SMG6: variants seen among roughly 807,000 people sequenced by gnomAD.
SMG6 encodes telomerase-binding protein EST1A.
A neutral mutation model predicts 142.2 loss-of-function variants in SMG6; 66 were observed. The observed-to-expected ratio is 0.46, with a 90% confidence interval of 0.38 to 0.57. The LOEUF (loss-of-function observed/expected upper bound fraction) is 0.57, where lower values mean the gene tolerates loss of function less well. SMG6 is among the 20% of genes least tolerant of loss of function. SMG6 has a pLI of 0.00. For missense variants in SMG6, 1,793 were observed against 1,832.0 expected, an observed-to-expected ratio of 0.98 and a Z score of 0.39; for synonymous variants, 779 against 702.4, an observed-to-expected ratio of 1.11 and a Z score of -1.72.
intron 13 of SMG6, chr17:2,088,032 G>A (rs2068612304): frequency 3.0e-6 from 3 of 985,654 alleles, no homozygotes; most frequent in Non-Finnish European, 3.6e-6. Context: ...GAGGAGAGGG[G>A]AGCTAAGGAG....
rs529360379 is a variant in SMG6 at position 2,237,372 on chromosome 17, G to A, written c.2724-735C>T. On this transcript the variant is annotated intron_variant, in intron 9 of 18. Coordinates refer to ENST00000263073, the MANE Select transcript of SMG6 (RefSeq NM_017575.5). ...CATGAGCCACTGCACTCGGCCTAAA[G>A]ATATTTTACCCAAGCGTTTACTTTA... The A allele has an allele frequency of 1.3e-5, 5 of 377,976 alleles. No individual in the cohort carries two copies. The Admixed American group carries it at 3.2e-4, about 24-fold the overall frequency. The allele number at this position is 377,976 out of a possible 1,614,324, so 23.4% of individuals were successfully genotyped here. A position where few individuals can be genotyped will look rare whatever the true frequency, so the allele number is the denominator to read the frequency against.
At chr17:2,243,991 G>A (rs2073872274) in intron 9 of SMG6, among the ~76,000 whole-genome samples, 1 of 152,060 alleles carries the variant, frequency 6.6e-6, no homozygotes, top group South Asian at 2.1e-4. Flanking sequence ...AGGATCACTA[G>A]TTTTATGCAG....
chr17:2,123,728 C>A (rs2151525206), intron 13 of SMG6, among the ~76,000 whole-genome samples: 2 of 152,278 alleles, frequency 1.3e-5, no homozygotes, highest in Middle Eastern at 6.8e-3. Context: ...CGAAGTGAAG[C>A]CCGGCAGAGC....
At chr17:2,154,959 C>A (rs2070955388) in intron 13 of SMG6, among the ~76,000 whole-genome samples, 1 of 151,820 alleles carries the variant, frequency 6.6e-6, no homozygotes, top group Non-Finnish European at 1.5e-5. Context: ...CCCTTGAGCT[C>A]AGAAGGTTGA....
At chr17:2,234,216 C>T (rs1277499637) in intron 10 of SMG6, among the ~76,000 whole-genome samples, 2 of 152,004 alleles carry the variant, frequency 1.3e-5, no homozygotes, top group East Asian at 1.9e-4. Flanking sequence ...CACCATCTTA[C>T]CTTCCTTTTA....
At chr17:2,091,955 T>G (rs2068736900) in intron 13 of SMG6, among the ~76,000 whole-genome samples, 1 of 151,570 alleles carries the variant, frequency 6.6e-6, no homozygotes. Context: ...GTGCTGGGAT[T>G]ACAGGCGTGA....
At chr17:2,288,651 C>T (rs1007869329) in intron 6 of SMG6, among the ~76,000 whole-genome samples, 1 of 148,830 alleles carries the variant, frequency 6.7e-6, no homozygotes, top group African/African-American at 2.5e-5. Context: ...GTAAGATAGG[C>T]AGGGCTGGTG....
chr17:2,246,499 A>G (rs1471839970), intron 8 of SMG6, among the ~76,000 whole-genome samples: 2 of 152,268 alleles, frequency 1.3e-5, no homozygotes, highest in Non-Finnish European at 2.9e-5. Flanking sequence ...ACCAATGATC[A>G]ACATCAAACT....
chr17:2,218,326 G>A (rs1024609322), intron 10 of SMG6, among the ~76,000 whole-genome samples: 1 of 152,148 alleles, frequency 6.6e-6, no homozygotes. Context: ...GAGGTGGGCA[G>A]ATCACGAGGC....
chr17:2,093,062 C>T (rs1220356025), intron 13 of SMG6, among the ~76,000 whole-genome samples: 7 of 151,906 alleles, frequency 4.6e-5, no homozygotes, highest in African/African-American at 9.7e-5. Flanking sequence ...GGGTTAGTAG[C>T]GGGCTCCTGT....
intron 13 of SMG6, among the ~76,000 whole-genome samples, chr17:2,123,974 C>T (rs1305287455): frequency 1.3e-5 from 2 of 152,234 alleles, no homozygotes; most frequent in Non-Finnish European, 2.9e-5. Flanking sequence ...ACTGAGAGGC[C>T]AGCTTCTTGC....
intron 13 of SMG6, among the ~76,000 whole-genome samples, chr17:2,091,021 G>A (rs1039612702): frequency 8.5e-5 from 13 of 152,184 alleles, no homozygotes; most frequent in Non-Finnish European, 1.5e-5. Flanking sequence ...CATCTTTAAT[G>A]AGCCAAACCT....
intron 8 of SMG6, among the ~76,000 whole-genome samples, chr17:2,249,788 G>C (rs752333134): frequency 1.3e-5 from 2 of 152,220 alleles, no homozygotes; most frequent in Non-Finnish European, 2.9e-5. Context: ...GAGAGGTAGT[G>C]TTAGAATTAT....
At chr17:2,252,228 G>A (rs549040603) in intron 8 of SMG6, among the ~76,000 whole-genome samples, 6 of 152,010 alleles carry the variant, frequency 3.9e-5, no homozygotes, top group South Asian at 2.1e-4. Context: ...CCTGGCCAAC[G>A]GTGAAACCCC....
At chr17:2,165,419 A>G (rs1313335926) in intron 13 of SMG6, among the ~76,000 whole-genome samples, 3 of 152,238 alleles carry the variant, frequency 2.0e-5, no homozygotes, top group African/African-American at 7.2e-5. Context: ...CACTCCCTTG[A>G]GGTTAATGAC....
chr17:2,264,664 G>C (rs901863120), intron 8 of SMG6, among the ~76,000 whole-genome samples: 1 of 152,190 alleles, frequency 6.6e-6, no homozygotes, highest in Non-Finnish European at 1.5e-5. Context: ...CACTTTGGGA[G>C]GCTGAGGTGG....
intron 13 of SMG6, chr17:2,087,215 T>C (rs989916042): frequency 3.1e-6 from 4 of 1,290,010 alleles, no homozygotes; most frequent in Non-Finnish European, 4.0e-6. Flanking sequence ...GTGCACACAG[T>C]AGGCTCACAG....
intron 8 of SMG6, 27 bp downstream of exon 8, chr17:2,282,620 C>T (rs2074813625): frequency 6.2e-7 from 1 of 1,610,974 alleles, no homozygotes; most frequent in Non-Finnish European, 8.5e-7. Flanking sequence ...GCTAGTTTGG[C>T]TCATTGCATC....
chr17:2,261,645 G>T (rs971373182), intron 8 of SMG6, among the ~76,000 whole-genome samples: 1 of 152,064 alleles, frequency 6.6e-6, no homozygotes, highest in South Asian at 2.1e-4. Flanking sequence ...GCTACCCCTC[G>T]GTGGACAAAG....
Sources: gnomAD v4.1 joint callset for allele counts (sites outside exome capture counted in the v4.1 genomes callset) on GRCh38, gnomAD v4.1.1 for gene constraint, MANE v1.5 for transcripts, NCBI Gene and HGNC (gene_info 2026-07-23, HGNC 2026-07-21) for gene names.